Variants in UNC5C observed in about 807,000 individuals in gnomAD.
UNC5C encodes the protein netrin receptor UNC5C.
A neutral mutation model predicts 99.8 loss-of-function variants in UNC5C; 47 were observed. The ratio of observed to expected loss-of-function variants is 0.47; its 90% CI spans 0.37 to 0.60. The LOEUF (loss-of-function observed/expected upper bound fraction) is 0.60. Among genes scored for constraint, UNC5C ranks in the 20% least tolerant of loss-of-function variants. The pLI, the probability that UNC5C is intolerant of heterozygous loss-of-function variation, is 0.00. For synonymous variants in UNC5C, 487 were observed against 452.2 expected (o/e 1.08, Z -0.98); for missense variants, 1,062 against 1,165.9 (o/e 0.91, Z 1.30).
At chr4:95,442,815 A>G (rs1312367374) in intron 1 of UNC5C, among the ~76,000 whole-genome samples, 4 of 122,056 alleles carry the variant, frequency 3.3e-5, no homozygotes, top group Non-Finnish European at 5.3e-5. Context: ...TGTGTGCGCC[A>G]ATACACACAC....
chr4:95,525,533 C>A (rs1469808764), intron 1 of UNC5C, among the ~76,000 whole-genome samples: 3 of 142,516 alleles, frequency 2.1e-5, no homozygotes, highest in Non-Finnish European at 4.5e-5. Flanking sequence ...CAAGTTCTCA[C>A]CTAAGACAGT....
At chr4:95,535,424 C>T (rs1276960988) in intron 1 of UNC5C, among the ~76,000 whole-genome samples, 1 of 152,076 alleles carries the variant, frequency 6.6e-6, no homozygotes, top group Non-Finnish European at 1.5e-5. Context: ...CATTGTATAG[C>T]ATAGACTTAC....
intron 1 of UNC5C, among the ~76,000 whole-genome samples, chr4:95,447,715 G>A (rs1173337107): frequency 6.6e-6 from 1 of 152,110 alleles, no homozygotes; most frequent in African/African-American, 2.4e-5. Context: ...TGGCCAGGCT[G>A]GTCTCAAACT....
chr4:95,262,194 CAAATCCTTTTTGCAAATCAGGTGGTTT>C (rs1740264126), intron 4 of UNC5C, among the ~76,000 whole-genome samples: 1 of 152,154 alleles, frequency 6.6e-6, no homozygotes, highest in African/African-American at 2.4e-5. Context: ...AACTGGGCGA[CAAATCCTTTTTGCAAATCAGGTGGTTT>C]AAATTCTTTG....
rs759357883 is a variant in UNC5C, at chr4:95,170,142, G to C, written c.2630+12C>G. 80 of 1,612,430 alleles carry C rather than the reference G, an allele frequency of 5.0e-5. No individual in the cohort carries two copies. The highest frequency in any genetic ancestry group is 6.7e-5 in the Non-Finnish European group (79 of 1,178,786). ...CAGAAAGAAGCTAGTCTTGGGGCCA[G>C]ACCATACCCACCTGTCCAGGTTCAG... On this transcript the variant is annotated intron_variant, in intron 15 of 15. Coordinates refer to ENST00000453304, the MANE Select transcript of UNC5C (RefSeq NM_003728.4).
At chr4:95,302,423 A>G (rs1456026955) in intron 2 of UNC5C, among the ~76,000 whole-genome samples, 1 of 152,258 alleles carries the variant, frequency 6.6e-6, no homozygotes, top group Non-Finnish European at 1.5e-5. Flanking sequence ...ATTTCACAGC[A>G]TTATGTAATC....
intron 4 of UNC5C, among the ~76,000 whole-genome samples, chr4:95,259,358 G>A (rs978921275): frequency 4.6e-5 from 7 of 152,138 alleles, no homozygotes; most frequent in Non-Finnish European, 7.4e-5. Context: ...TACTAAAAGC[G>A]GTGAGACAAA....
chr4:95,475,978 C>G (rs1748133138), intron 1 of UNC5C, among the ~76,000 whole-genome samples: 1 of 152,064 alleles, frequency 6.6e-6, no homozygotes, highest in Non-Finnish European at 1.5e-5. Context: ...ATATCAAGTA[C>G]TGGTCAACAT....
chr4:95,431,788 C>G (rs563886519), intron 1 of UNC5C, among the ~76,000 whole-genome samples: 1 of 152,018 alleles, frequency 6.6e-6, no homozygotes, highest in South Asian at 2.1e-4. Context: ...TTAATTAACC[C>G]CAATTTAATA....
At chr4:95,300,285 G>A (rs998946611) in intron 3 of UNC5C, among the ~76,000 whole-genome samples, 12 of 152,148 alleles carry the variant, frequency 7.9e-5, no homozygotes, top group African/African-American at 2.9e-4. Flanking sequence ...CTCCCTCGTG[G>A]TGATAACATG....
intron 1 of UNC5C, among the ~76,000 whole-genome samples, chr4:95,482,790 A>G (rs1210532197): frequency 8.1e-6 from 1 of 124,100 alleles, no homozygotes; most frequent in African/African-American, 3.3e-5. Flanking sequence ...GTTCTCACTC[A>G]TAGATGGGAA....
chr4:95,244,741 T>C (rs1313828295), intron 6 of UNC5C, among the ~76,000 whole-genome samples: 2 of 152,226 alleles, frequency 1.3e-5, no homozygotes, highest in Admixed American at 1.3e-4. Flanking sequence ...AAAGGGATTA[T>C]ATCCAGTAGT....
At chr4:95,380,953 C>T (rs1038702872) in intron 1 of UNC5C, among the ~76,000 whole-genome samples, 1 of 152,032 alleles carries the variant, frequency 6.6e-6, no homozygotes, top group African/African-American at 2.4e-5. Context: ...CAATTTAAAA[C>T]CTTTGTTGCA....
At chr4:95,244,480 C>G (rs568208277) in intron 6 of UNC5C, among the ~76,000 whole-genome samples, 1 of 152,270 alleles carries the variant, frequency 6.6e-6, no homozygotes, top group South Asian at 2.1e-4. Context: ...AATCCATTAT[C>G]CCAAGTACCA....
At chr4:95,295,760 C>A (rs1029648417) in intron 3 of UNC5C, among the ~76,000 whole-genome samples, 1 of 152,122 alleles carries the variant, frequency 6.6e-6, no homozygotes, top group Admixed American at 6.6e-5. Flanking sequence ...GGGCAGAGCA[C>A]CACAGTTCAC....
chr4:95,354,479 A>ATATATATATTTTTTTT, intron 1 of UNC5C, among the ~76,000 whole-genome samples: 1,809 of 110,054 alleles, frequency 0.016, 30 homozygotes, highest in Non-Finnish European at 0.024. Flanking sequence ...ATATATATAT[A>ATATATATATTTTTTTT]TTTTTTTTTT....
At chr4:95,315,579 C>A (rs1742444234) in intron 2 of UNC5C, among the ~76,000 whole-genome samples, 1 of 152,052 alleles carries the variant, frequency 6.6e-6, no homozygotes. Flanking sequence ...CTTTATTTTA[C>A]AAATGTATTG....
intron 1 of UNC5C, among the ~76,000 whole-genome samples, chr4:95,346,929 G>A (rs1162869439): frequency 6.6e-6 from 1 of 151,282 alleles, no homozygotes; most frequent in African/African-American, 2.4e-5. Context: ...AATCAGACAA[G>A]AGAAAAAAAA....
chr4:95,447,245 A>G (rs1747132138), intron 1 of UNC5C, among the ~76,000 whole-genome samples: 1 of 152,236 alleles, frequency 6.6e-6, no homozygotes, highest in Admixed American at 6.5e-5. Context: ...GAAAATGAAT[A>G]TCTGAATTAA....
Sources: allele counts gnomAD v4.1 joint callset (sites outside exome capture counted in the v4.1 genomes callset), GRCh38; gene constraint gnomAD v4.1.1; transcripts MANE v1.5; gene names NCBI Gene and HGNC (gene_info 2026-07-23, HGNC 2026-07-21).